CLEC1A: variants seen among roughly 807,000 people sequenced by gnomAD.
CLEC1A encodes C-type lectin domain family 1 member A.
A neutral mutation model predicts 28.7 loss-of-function variants in CLEC1A; 34 were observed. The observed-to-expected ratio is 1.18, with a 90% CI of 0.90 to 1.57. CLEC1A has a LOEUF of 1.57. Among genes scored for constraint, CLEC1A ranks in the 40% most tolerant of loss-of-function variants. CLEC1A has a pLI of 0.00. For missense variants in CLEC1A, 385 were observed against 339.5 expected (o/e 1.13, Z -1.05); for synonymous variants, 116 against 121.0 (o/e 0.96, Z 0.27).
At chr12:10,080,969 C>G (rs962094738) in intron 3 of CLEC1A, among the ~76,000 whole-genome samples, 1 of 152,124 alleles carries the variant, frequency 6.6e-6, no homozygotes, top group African/African-American at 2.4e-5. Context: ...CCTGTATTTT[C>G]TTTACTCGTA....
chr12:10,098,069 TTA>T (rs1211438922), intron 1 of CLEC1A, among the ~76,000 whole-genome samples: 4 of 136,638 alleles, frequency 2.9e-5, no homozygotes, highest in African/African-American at 1.1e-4. Context: ...TTTTTTTTTT[TTA>T]AAGGTATATC....
chr12:10,088,427 T>G (rs552335991), intron 2 of CLEC1A, among the ~76,000 whole-genome samples: 4 of 148,606 alleles, frequency 2.7e-5, no homozygotes, highest in East Asian at 4.0e-4. Context: ...TTTCTTTGAA[T>G]AACTGTTCAA....
At chr12:10,072,458 A>C (rs908180955) in intron 5 of CLEC1A, among the ~76,000 whole-genome samples, 2 of 152,028 alleles carry the variant, frequency 1.3e-5, no homozygotes, top group Non-Finnish European at 2.9e-5. Context: ...TACCCCTTAC[A>C]TTTTCAGCAA....
chr12:10,098,814 G>A lies in CLEC1A; in HGVS notation c.109C>T (p.Arg37Cys), dbSNP rs776107796. 26 of 1,610,796 alleles carry A rather than the reference G, an allele frequency of 1.6e-5. No individual in the cohort carries two copies. The highest frequency in any genetic ancestry group is 6.7e-5 in the East Asian group (3 of 44,832). Residue 37 changes from arginine to cysteine, a missense_variant, in exon 1 of 6, where the codon CGC (arginine) becomes TGC (cysteine). By Grantham distance (180) the Arg-to-Cys change is radical (BLOSUM62 -3). Transcript: ENST00000315330. The stretch of plus-strand genomic sequence containing the variant: ...ACTCCAGGAGACAGGGTACCTGTGC[G>A]CCGGGGCTCTGGATGCCGAGTTGTG... ...SATTRHPEPR[R>C]TEHRAPSSTW...
chr12:10,085,196 A>AACACACACACACACACACACAC (rs144572464), intron 2 of CLEC1A, among the ~76,000 whole-genome samples: 2 of 129,076 alleles, frequency 1.5e-5, no homozygotes, highest in Non-Finnish European at 3.3e-5. Context: ...ATAAGACAAT[A>AACACACACACACACACACACAC]ACACACACAC....
At chr12:10,072,633 G>GCTCT (rs1866158036) in intron 5 of CLEC1A, among the ~76,000 whole-genome samples, 2 of 101,426 alleles carry the variant, frequency 2.0e-5, no homozygotes, top group Admixed American at 1.9e-4. Context: ...CTCAGGGAAA[G>GCTCT]ATCTCTCTCT....
At chr12:10,096,906 TAA>T (rs1366001584) in intron 1 of CLEC1A, among the ~76,000 whole-genome samples, 1 of 152,130 alleles carries the variant, frequency 6.6e-6, no homozygotes, top group Non-Finnish European at 1.5e-5. Flanking sequence ...AGGTAAAAAT[TAA>T]GCCGAGAGCT....
chr12:10,091,209 G>GATCTTGTCT (rs1427670633), intron 1 of CLEC1A, among the ~76,000 whole-genome samples: 2 of 152,066 alleles, frequency 1.3e-5, no homozygotes, highest in Non-Finnish European at 2.9e-5. Context: ...TTACAACAAT[G>GATCTTGTCT]ATCTTGTCTA....
intron 4 of CLEC1A, among the ~76,000 whole-genome samples, chr12:10,073,673 T>C (rs1172203432): frequency 2.6e-5 from 4 of 152,216 alleles, no homozygotes; most frequent in Non-Finnish European, 5.9e-5. Flanking sequence ...GATTTGTTCC[T>C]GACCCATGGC....
At chr12:10,090,257 G>A (rs1866585463) in intron 1 of CLEC1A, among the ~76,000 whole-genome samples, 1 of 152,086 alleles carries the variant, frequency 6.6e-6, no homozygotes, top group African/African-American at 2.4e-5. Flanking sequence ...TTCTAGCAAG[G>A]TCCTATACAT....
rs200437169 is a variant in CLEC1A at position 10,087,472 on chromosome 12, TTATATATATATATATATA to T, written c.214+1634_214+1651del. ...GGCATATAAAGGACATACCTCAAAG[TTATATATATATATATATA>T]TATATATATATATATATATATATAT... On this transcript the variant is annotated intron_variant, in intron 2 of 5. Transcript: ENST00000315330. Among the ~76,000 whole-genome samples, 522 of 75,176 alleles carry T rather than the reference TTATATATATATATATATA, an allele frequency of 6.9e-3. 15 individuals are homozygous for T. Among genetic ancestry groups the T allele is most frequent in the African/African-American group, 0.03 (461 of 15,464 alleles). 49.3% of individuals were successfully genotyped at this position (75,176 alleles called of 152,430 possible). A position where few individuals can be genotyped will look rare whatever the true frequency, so the allele number is the denominator to read the frequency against.
Position 10,073,340 on chromosome 12 carries a change from A to T in CLEC1A, c.615T>A (p.Ser205Arg), listed in dbSNP as rs1866179504. The T allele has an allele frequency of 1.9e-6, 3 of 1,613,984 alleles. No individual in the cohort carries two copies. Among genetic ancestry groups the T allele is most frequent in the Non-Finnish European group, 2.5e-6 (3 of 1,179,978 alleles). ...CATCCATCCACAGCCAGGCCTTGCC[A>T]CTGTCAGGGCGCAAAAGCCCTGTCC... ...SYWTGLLRPDSGKAWLWMDGT... is the reference protein window; with the variant it reads ...SYWTGLLRPDRGKAWLWMDGT... The change falls in exon 5 of 6, where the codon AGT becomes AGA. Residue 205 changes from serine to arginine, a missense_variant. Physicochemically the swap from Ser to Arg is moderately radical, Grantham distance 110 (BLOSUM62 -1). Coordinates refer to ENST00000315330, the MANE Select transcript of CLEC1A (RefSeq NM_016511.4).
chr12:10,077,090 A>G (rs767094779), intron 3 of CLEC1A, among the ~76,000 whole-genome samples: 86 of 152,304 alleles, frequency 5.6e-4, no homozygotes, highest in Non-Finnish European at 1.1e-3. Flanking sequence ...ATTTTCAATG[A>G]ATGTTTAGGA....
At position 10,069,662 on chromosome 12, in the gene CLEC1A, T is replaced by C. The variant is rs1866086722; in HGVS notation, c.*1671A>G. The C allele has an allele frequency of 6.6e-6, 1 of 152,216 alleles. No individual in the cohort carries two copies. Among genetic ancestry groups the C allele is most frequent in the Non-Finnish European group, 1.5e-5 (1 of 68,034 alleles). 9.4% of individuals were successfully genotyped at this position (152,216 alleles called of 1,614,324 possible). The stretch of plus-strand genomic sequence containing the variant: ...GTTTCATGAAGTAAAGTGACTTGCC[T>C]AATAAGTAAATCAGAATAAGAGGTC... On this transcript the variant is annotated 3_prime_UTR_variant, in exon 6 of 6. Coordinates refer to ENST00000315330, the MANE Select transcript of CLEC1A (RefSeq NM_016511.4).
At chr12:10,094,681 T>C (rs571659505) in intron 1 of CLEC1A, among the ~76,000 whole-genome samples, 110 of 152,272 alleles carry the variant, frequency 7.2e-4, no homozygotes, top group East Asian at 3.7e-3. Context: ...TCAATATTTA[T>C]ACATGGCAGT....
At chr12:10,081,987 C>T (rs1033708395) in intron 2 of CLEC1A, among the ~76,000 whole-genome samples, 2 of 152,062 alleles carry the variant, frequency 1.3e-5, no homozygotes, top group South Asian at 2.1e-4. Flanking sequence ...AGGAAAGAGT[C>T]CTGTAGGCAC....
At position 10,071,363 on chromosome 12, in the gene CLEC1A, G is replaced by T. The variant is rs759954835; in HGVS notation, c.813C>A (p.Val271=). The T allele has an allele frequency of 2.8e-5, 45 of 1,613,628 alleles. No homozygotes were observed. Among genetic ancestry groups the T allele is most frequent in the Middle Eastern group, 1.6e-4 (1 of 6,078 alleles). The part of the protein sequence containing the change: ...AGMVKPESLH[V]PPETLGEGD The stretch of plus-strand genomic sequence containing the variant: ...CACCTTCGCCTAATGTTTCAGGGGG[G>T]ACATGGAGGCTCTCTGGCTTCACCA... The change falls in exon 6 of 6, where the codon GTC becomes GTA. Residue 271 remains valine (V), a synonymous_variant. Coordinates refer to ENST00000315330, the MANE Select transcript of CLEC1A (RefSeq NM_016511.4).
chr12:10,079,438 T>G (rs1418360707), intron 3 of CLEC1A, among the ~76,000 whole-genome samples: 1 of 152,254 alleles, frequency 6.6e-6, no homozygotes, highest in Non-Finnish European at 1.5e-5. Flanking sequence ...GTAACTTATT[T>G]GCATAGCTTC....
intron 3 of CLEC1A, among the ~76,000 whole-genome samples, chr12:10,079,930 C>T (rs1353795354): frequency 6.6e-6 from 1 of 152,142 alleles, no homozygotes; most frequent in Non-Finnish European, 1.5e-5. Flanking sequence ...ATCTTCTAGC[C>T]TCAGCCTGTC....
Sources: allele counts gnomAD v4.1 joint callset (sites outside exome capture counted in the v4.1 genomes callset), GRCh38; gene constraint gnomAD v4.1.1; transcripts MANE v1.5; gene names NCBI Gene and HGNC (gene_info 2026-07-23, HGNC 2026-07-21).